The following PRKCZ variants were observed in gnomAD, a reference collection of about 807,000 sequenced individuals.
PRKCZ encodes protein kinase C zeta type.
A neutral mutation model predicts 79.5 loss-of-function variants in PRKCZ; 33 were observed. That is an observed-to-expected ratio of 0.41 (90% CI 0.31 to 0.55). PRKCZ has a LOEUF of 0.55. PRKCZ is among the 20% of genes least tolerant of loss of function. The pLI, the probability that PRKCZ is intolerant of heterozygous loss-of-function variation, is 0.19. For synonymous variants in PRKCZ, 342 were observed against 320.9 expected (o/e 1.07, Z -0.70); for missense variants, 578 against 813.5 (o/e 0.71, Z 3.52).
Position 2,155,852 on chromosome 1 carries a change from T to C in PRKCZ, c.877-143T>C, listed in dbSNP as rs1382804471. ...GATGGTGACAATGGTGGTAATGCAG[T>C]TCCTAATGGGTGTTTTCTTTTCCTG... On this transcript the variant is annotated intron_variant, in intron 9 of 17. Transcript: ENST00000378567. 3 of 685,724 alleles carry C rather than the reference T, an allele frequency of 4.4e-6. No individual in the cohort carries two copies. In the East Asian group the frequency reaches 7.8e-5, roughly 18 times the overall value. 42.5% of individuals were successfully genotyped at this position (685,724 alleles called of 1,614,324 possible). A position where few individuals can be genotyped will look rare whatever the true frequency, so the allele number is the denominator to read the frequency against.
At chr1:2,074,387 C>G (rs934684129) in intron 4 of PRKCZ, 2 of 1,445,044 alleles carry the variant, frequency 1.4e-6, no homozygotes, top group African/African-American at 2.8e-5. Flanking sequence ...CAGGGAGTTG[C>G]TGGCTGTTGG....
intron 10 of PRKCZ, chr1:2,169,017 G>GCTT (rs775792565): frequency 1.1e-4 from 43 of 377,128 alleles, no homozygotes; most frequent in Non-Finnish European, 2.2e-4. Flanking sequence ...TTCCCACCTG[G>GCTT]CTTCTCCCTG....
At chr1:2,063,705 G>T (rs976168716) in intron 4 of PRKCZ, among the ~76,000 whole-genome samples, 1 of 152,160 alleles carries the variant, frequency 6.6e-6, no homozygotes, top group Admixed American at 6.5e-5. Flanking sequence ...CACTGTCTCC[G>T]CATCCTTTCC....
Position 2,094,456 on chromosome 1 carries a change from G to A in PRKCZ, c.334+34865G>A, listed in dbSNP as rs1335110186. On this transcript the variant is annotated intron_variant, in intron 4 of 17. Transcript: ENST00000378567. This position sits in a 1 kb window ranked among gnomAD's most constrained non-coding sequence, Gnocchi z 7.3. ...CCGTTCTGAGGCACCCGCTGTGCCC[G>A]GCTCGTTGAACCTTGGGCGCTGCCC... 2.1e-5 allele frequency among the ~76,000 whole-genome samples: 3 copies of A among 146,174 alleles called. No homozygotes were observed. The highest frequency in any genetic ancestry group is 3.0e-5 in the Non-Finnish European group (2 of 66,398).
chr1:2,115,845 A>G (rs1256163871), intron 4 of PRKCZ, among the ~76,000 whole-genome samples: 1 of 152,190 alleles, frequency 6.6e-6, no homozygotes, highest in African/African-American at 2.4e-5. Flanking sequence ...GCACCTTGGT[A>G]TATTCACCAA....
intron 4 of PRKCZ, among the ~76,000 whole-genome samples, chr1:2,132,668 G>A (rs570292049): frequency 6.6e-6 from 1 of 152,226 alleles, no homozygotes; most frequent in Non-Finnish European, 1.5e-5. Context: ...GGATTTTTCA[G>A]TCCAGCATCC....
intron 4 of PRKCZ, among the ~76,000 whole-genome samples, chr1:2,104,015 C>T (rs1571395828): frequency 6.6e-6 from 1 of 152,366 alleles, no homozygotes; most frequent in East Asian, 1.9e-4. Flanking sequence ...GACAGCACCG[C>T]ACGCAGACGG....
chr1:2,112,404 G>A (rs1474438426), intron 4 of PRKCZ, among the ~76,000 whole-genome samples: 3 of 152,144 alleles, frequency 2.0e-5, no homozygotes, highest in African/African-American at 7.2e-5. Flanking sequence ...GAGGATGAAC[G>A]AGCCTCAGGC....
intron 8 of PRKCZ, among the ~76,000 whole-genome samples, 190 bp from the exon 9 acceptor site, chr1:2,150,600 T>TA (rs1222771711): frequency 6.6e-6 from 1 of 152,216 alleles, no homozygotes; most frequent in African/African-American, 2.4e-5. Flanking sequence ...CTTAAATTCT[T>TA]ACCTTTCATG....
intron 4 of PRKCZ, among the ~76,000 whole-genome samples, chr1:2,129,660 C>G (rs1257633394): frequency 6.6e-6 from 1 of 152,114 alleles, no homozygotes; most frequent in Non-Finnish European, 1.5e-5. Flanking sequence ...TCTCTGGGAA[C>G]TCTCCAATTT....
At chr1:2,085,516 G>A (rs1032481058) in intron 4 of PRKCZ, among the ~76,000 whole-genome samples, 3 of 152,260 alleles carry the variant, frequency 2.0e-5, no homozygotes, top group East Asian at 1.9e-4. Flanking sequence ...TGTTGGTTGC[G>A]TTTTTCACAA....
At chr1:2,153,945 T>A (rs1419996660) in intron 9 of PRKCZ, among the ~76,000 whole-genome samples, 1 of 152,012 alleles carries the variant, frequency 6.6e-6, no homozygotes, top group East Asian at 1.9e-4. Flanking sequence ...CCCCCAGGAG[T>A]CACTGGCAAG....
chr1:2,076,332 C>T lies in PRKCZ; in HGVS notation c.334+16741C>T, dbSNP rs539152966. On this transcript the variant is annotated intron_variant, in intron 4 of 17. Coordinates refer to ENST00000378567, the MANE Select transcript of PRKCZ (RefSeq NM_002744.6). ...TGGAACGTGCGGCCACTGCTCCCACCGTCCCTCACAGCACAGGCTGGACAG... is the reference window on the plus strand; with the variant it reads ...TGGAACGTGCGGCCACTGCTCCCACTGTCCCTCACAGCACAGGCTGGACAG... Among the ~76,000 whole-genome samples the T allele has an allele frequency of 1.8e-4, 27 of 152,338 alleles. No individual in the cohort carries two copies. The East Asian group carries it at 4.6e-3, about 26-fold the overall frequency.
In PRKCZ at chr1:2,128,945, T is replaced by G. The variant is rs964162383; in HGVS notation, c.335-6317T>G. 1.3e-5 allele frequency among the ~76,000 whole-genome samples: 2 copies of G among 152,046 alleles called. No individual in the cohort carries two copies. Among genetic ancestry groups the G allele is most frequent in the Non-Finnish European group, 2.9e-5 (2 of 68,004 alleles). On this transcript the variant is annotated intron_variant, in intron 4 of 17. Transcript: ENST00000378567. The surrounding 1 kb of genome is among the most constrained non-coding windows in gnomAD (Gnocchi z 6.5). ...TCCAGAGCACACTCCCCAGAAGGGC[T>G]CCCTTCTCCTTTTCACAGCGCTGTC...
At chr1:2,144,612 G>T (rs1393542292) in intron 6 of PRKCZ, 5 of 1,290,166 alleles carry the variant, frequency 3.9e-6, no homozygotes, top group Non-Finnish European at 5.0e-6. Context: ...CTGCTCAGTG[G>T]GTCGGAGGTA....
At chr1:2,132,058 G>T (rs547507799) in intron 4 of PRKCZ, among the ~76,000 whole-genome samples, 3 of 152,308 alleles carry the variant, frequency 2.0e-5, no homozygotes, top group South Asian at 2.1e-4. Context: ...TGATCTGCCC[G>T]CCTCGGCCTC....
In PRKCZ at chr1:2,150,906, G is replaced by C. The variant is rs1242957876; in HGVS notation, c.804G>C (p.Leu268=). The change falls in exon 9 of 18, where the codon CTG becomes CTC. Residue 268 remains leucine (L), a synonymous_variant. Transcript: ENST00000378567. Reference sequence around the variant, plus strand: ...GCGGGAGCTACGCCAAGGTTCTCCTGGTGCGGTTGAAGAAGAATGACCAAA... The same window carrying C: ...GCGGGAGCTACGCCAAGGTTCTCCTCGTGCGGTTGAAGAAGAATGACCAAA... ...IGRGSYAKVL[L]VRLKKNDQIY... is the part of the protein sequence containing the mutation. 2 of 1,614,176 alleles carry C rather than the reference G, an allele frequency of 1.2e-6. No homozygotes were observed. The highest frequency in any genetic ancestry group is 3.3e-5 in the Admixed American group (2 of 60,030).
Position 2,075,935 on chromosome 1 carries a change from C to T in PRKCZ, c.334+16344C>T, listed in dbSNP as rs557478854. Among the ~76,000 whole-genome samples the T allele has an allele frequency of 1.1e-4, 17 of 152,334 alleles. No homozygotes were observed. Among genetic ancestry groups the T allele is most frequent in the African/African-American group, 2.6e-4 (11 of 41,586 alleles). On this transcript the variant is annotated intron_variant, in intron 4 of 17. Transcript: ENST00000378567. The surrounding 1 kb of genome is among the most constrained non-coding windows in gnomAD (Gnocchi z 4.8). ...CGTTTCTGATCGCCGAGGACTCAGC[C>T]GGGCACATGGAGGTTGAACTGTTGG... is the stretch of plus-strand genomic sequence containing the variant.
rs1008029330 is a variant in PRKCZ at position 2,173,686 on chromosome 1, C to T, written c.1286-211C>T. Among the ~76,000 whole-genome samples, 4 of 152,318 alleles carry T rather than the reference C, an allele frequency of 2.6e-5. No individual in the cohort carries two copies. Among genetic ancestry groups the T allele is most frequent in the East Asian group, 1.9e-4 (1 of 5,178 alleles). ...GCCCAGAGGCAGCCTGGGAGACCTC[C>T]GTAGTGTCAGGGACGGTGGCAGGGA... On this transcript the variant is annotated intron_variant, in intron 13 of 17. Coordinates refer to ENST00000378567, the MANE Select transcript of PRKCZ (RefSeq NM_002744.6). This position sits in a 1 kb window ranked among gnomAD's most constrained non-coding sequence, Gnocchi z 5.7.
Sources: allele counts gnomAD v4.1 joint callset (sites outside exome capture counted in the v4.1 genomes callset), GRCh38; gene constraint gnomAD v4.1.1; non-coding constraint Gnocchi (gnomAD v3.1); transcripts MANE v1.5; gene names NCBI Gene and HGNC (gene_info 2026-07-23, HGNC 2026-07-21).